MSRA: variants seen among roughly 807,000 people sequenced by gnomAD.
MSRA encodes the protein mitochondrial peptide methionine sulfoxide reductase.
A neutral mutation model predicts 31.3 loss-of-function variants in MSRA; 54 were observed. The observed-to-expected ratio is 1.73, with a 90% CI of 1.39 to 2.17. The LOEUF is 2.17. MSRA is among the 30% of genes most tolerant of loss of function. The pLI, the probability that MSRA is intolerant of heterozygous loss-of-function variation, is 0.00. For missense variants in MSRA, 507 were observed against 300.9 expected (o/e 1.69, Z -5.07); for synonymous variants, 169 against 116.5 (o/e 1.45, Z -2.90).
intron 5 of MSRA, among the ~76,000 whole-genome samples, chr8:10,404,702 G>T (rs140821482): frequency 3.9e-4 from 59 of 152,218 alleles, no homozygotes; most frequent in Non-Finnish European, 7.1e-4. Context: ...CCGGCCCTCC[G>T]TGCCTTCTCG....
chr8:10,173,883 G>A (rs574429357), intron 1 of MSRA, among the ~76,000 whole-genome samples: 3 of 152,280 alleles, frequency 2.0e-5, no homozygotes, highest in South Asian at 2.1e-4. Context: ...AGACACACCT[G>A]GACTGCACGG....
chr8:10,142,003 G>T (rs1802754186), intron 1 of MSRA, among the ~76,000 whole-genome samples: 1 of 152,194 alleles, frequency 6.6e-6, no homozygotes, highest in South Asian at 2.1e-4. Flanking sequence ...TTGTTTCCCA[G>T]TCTGGAGTGC....
At position 10,301,631 on chromosome 8, in the gene MSRA, G is replaced by T. The variant is rs532243734; in HGVS notation, c.429G>T (p.Pro143=). ...AGGTCTTCTGGGAGAATCACGACCC[G>T]ACCCAAGGTAGAGTGATGAGTGAGC... The part of the protein sequence containing the change: ...LLKVFWENHD[P]TQGMRQGNDH... The change falls in exon 4 of 6, where the codon CCG becomes CCT. Residue 143 remains proline, a synonymous_variant. Coordinates refer to ENST00000317173, the MANE Select transcript of MSRA (RefSeq NM_012331.5). 6.8e-6 allele frequency: 11 copies of T among 1,613,274 alleles called. No individual in the cohort carries two copies. The highest frequency in any genetic ancestry group is 6.7e-5 in the East Asian group (3 of 44,876).
At chr8:10,337,083 G>A in intron 5 of MSRA, 1 of 152,160 alleles carries the variant, frequency 6.6e-6, no homozygotes, top group East Asian at 1.9e-4. Context: ...CACATCACCT[G>A]TCTGCAAAGG....
intron 3 of MSRA, among the ~76,000 whole-genome samples, chr8:10,254,513 G>C (rs778822249): frequency 1.3e-5 from 2 of 152,204 alleles, no homozygotes; most frequent in African/African-American, 4.8e-5. Context: ...TATTACAATA[G>C]TAGTTTCTTG....
At chr8:10,423,131 C>G (rs1355801719) in intron 5 of MSRA, among the ~76,000 whole-genome samples, 1 of 152,200 alleles carries the variant, frequency 6.6e-6, no homozygotes, top group African/African-American at 2.4e-5. Context: ...TTTATGGGTC[C>G]TCCCCATGGA....
At chr8:10,330,893 C>T (rs935035894) in intron 5 of MSRA, among the ~76,000 whole-genome samples, 5 of 152,158 alleles carry the variant, frequency 3.3e-5, no homozygotes, top group Non-Finnish European at 4.4e-5. Flanking sequence ...TATGTTGAAG[C>T]CTCTACCCCC....
At chr8:10,186,556 G>T (rs942031817) in intron 1 of MSRA, among the ~76,000 whole-genome samples, 9 of 152,202 alleles carry the variant, frequency 5.9e-5, no homozygotes, top group Non-Finnish European at 1.2e-4. Flanking sequence ...TGGGTAGCTG[G>T]CCATGGTTTT....
intron 3 of MSRA, among the ~76,000 whole-genome samples, chr8:10,263,651 C>A (rs539292504): frequency 2.6e-5 from 4 of 152,212 alleles, no homozygotes; most frequent in Admixed American, 1.3e-4. Flanking sequence ...ATGGCTGGCC[C>A]CTTGAGGCTT....
intron 1 of MSRA, among the ~76,000 whole-genome samples, chr8:10,118,882 A>G (rs1290958802): frequency 5.3e-5 from 8 of 152,190 alleles, no homozygotes; most frequent in Admixed American, 5.2e-4. Flanking sequence ...TGGGAAGAGG[A>G]CATTGGGAAG....
At chr8:10,381,728 C>A (rs913096726) in intron 5 of MSRA, among the ~76,000 whole-genome samples, 16 of 152,184 alleles carry the variant, frequency 1.1e-4, no homozygotes, top group Non-Finnish European at 2.4e-4. Flanking sequence ...GGTGCTGCCC[C>A]AATGACAGTG....
At chr8:10,343,040 C>CAT (rs1395014248) in intron 5 of MSRA, among the ~76,000 whole-genome samples, 16 of 108,290 alleles carry the variant, frequency 1.5e-4, no homozygotes, top group Admixed American at 7.8e-4. Context: ...CACACACACA[C>CAT]ACACACACAC....
At chr8:10,306,427 G>T (rs188638185) in intron 4 of MSRA, among the ~76,000 whole-genome samples, 1 of 152,050 alleles carries the variant, frequency 6.6e-6, no homozygotes, top group Non-Finnish European at 1.5e-5. Context: ...TCTTACATCT[G>T]TGTTGCCCTT....
intron 1 of MSRA, among the ~76,000 whole-genome samples, chr8:10,165,148 G>A (rs1175832541): frequency 6.6e-6 from 1 of 152,186 alleles, no homozygotes; most frequent in African/African-American, 2.4e-5. Context: ...TGCGGCCTAG[G>A]TTGAGAAGAT....
At chr8:10,305,671 C>G (rs1034838951) in intron 4 of MSRA, among the ~76,000 whole-genome samples, 1 of 152,218 alleles carries the variant, frequency 6.6e-6, no homozygotes, top group Non-Finnish European at 1.5e-5. Flanking sequence ...CTCGGCCTCC[C>G]CAAGTGCTGG....
intron 3 of MSRA, among the ~76,000 whole-genome samples, chr8:10,283,817 A>ATG (rs1799770865): frequency 3.9e-5 from 2 of 50,832 alleles, no homozygotes; most frequent in African/African-American, 5.8e-5. Flanking sequence ...ATATATATAT[A>ATG]TATATATATA....
intron 1 of MSRA, among the ~76,000 whole-genome samples, chr8:10,160,524 A>G (rs1031887512): frequency 2.0e-5 from 3 of 152,142 alleles, no homozygotes; most frequent in African/African-American, 4.8e-5. Context: ...ATAGATCTCT[A>G]TAGATAGGAT....
chr8:10,232,764 G>A (rs1353098578), intron 2 of MSRA, among the ~76,000 whole-genome samples: 1 of 152,140 alleles, frequency 6.6e-6, no homozygotes, highest in Non-Finnish European at 1.5e-5. Context: ...TAGAAATGCA[G>A]GAATCTTAAG....
intron 1 of MSRA, among the ~76,000 whole-genome samples, chr8:10,197,778 G>A (rs1328940545): frequency 6.6e-6 from 1 of 152,186 alleles, no homozygotes; most frequent in African/African-American, 2.4e-5. Context: ...TGACCAGAGA[G>A]GATGTCAAAG....
Sources: allele counts gnomAD v4.1 joint callset (sites outside exome capture counted in the v4.1 genomes callset), GRCh38; gene constraint gnomAD v4.1.1; transcripts MANE v1.5; gene names NCBI Gene and HGNC (gene_info 2026-07-23, HGNC 2026-07-21).